Variants in WDR26 observed in about 807,000 individuals in gnomAD.
WDR26 encodes the protein WD repeat domain 26.
WDR26 carries 5 observed loss-of-function variants against 84.1 expected under a neutral mutation model. The observed-to-expected ratio is 0.06, with a 90% CI of 0.03 to 0.13. WDR26 has a LOEUF of 0.13. Among genes scored for constraint, WDR26 ranks in the 10% least tolerant of loss-of-function variants. The pLI, the probability that WDR26 is intolerant of heterozygous loss-of-function variation, is 1.00. For synonymous variants in WDR26, 415 were observed against 389.6 expected (o/e 1.07, Z -0.77); for missense variants, 642 against 974.9 (o/e 0.66, Z 4.55).
At chr1:224,395,664 G>A (rs1385570533) in intron 12 of WDR26, among the ~76,000 whole-genome samples, 1 of 151,542 alleles carries the variant, frequency 6.6e-6, no homozygotes, top group Non-Finnish European at 1.5e-5. Flanking sequence ...AACTGAAGAG[G>A]TCCACAAGGA....
chr1:224,407,151 A>AAAAAAAAT, intron 7 of WDR26, among the ~76,000 whole-genome samples: 1 of 11,868 alleles, frequency 8.4e-5, no homozygotes, highest in East Asian at 2.1e-3. Flanking sequence ...AAAAAAAAAA[A>AAAAAAAAT]ATATATATAT....
At chr1:224,398,726 G>A in intron 10 of WDR26, 133 bp from the exon 11 acceptor site, 1 of 1,182,246 alleles carries the variant, frequency 8.5e-7, no homozygotes, top group Non-Finnish European at 1.2e-6. Context: ...TACTTCAATT[G>A]AGAAGAATCT....
rs1348920583 is a variant in WDR26 at position 224,388,930 on chromosome 1, T to G, written c.*905A>C. On this transcript the variant is annotated 3_prime_UTR_variant, in exon 14 of 14. Coordinates refer to ENST00000414423, the MANE Select transcript of WDR26 (RefSeq NM_001379403.1). ...GAATTTCTTCAAGATCGGGTACTGA[T>G]GTTCCTTCAGGAATAAAACAAAAGG... 1.3e-5 allele frequency: 2 copies of G among 152,576 alleles called. No individual in the cohort carries two copies. The highest frequency in any genetic ancestry group is 3.9e-4 in the East Asian group (2 of 5,194). 9.5% of individuals were successfully genotyped at this position (152,576 alleles called of 1,614,324 possible). A position where few individuals can be genotyped will look rare whatever the true frequency, so the allele number is the denominator to read the frequency against.
chr1:224,404,623 T>A, intron 7 of WDR26, 53 bp from the exon 8 acceptor site: 1 of 1,554,664 alleles, frequency 6.4e-7, no homozygotes, highest in Non-Finnish European at 8.7e-7. Flanking sequence ...AGTCATTGTT[T>A]CCCAATGTAA....
intron 6 of WDR26, among the ~76,000 whole-genome samples, chr1:224,416,360 T>C (rs1673904038): frequency 1.3e-5 from 2 of 152,118 alleles, no homozygotes. Flanking sequence ...CCCGAGTAGC[T>C]GGGACTACAG....
chr1:224,407,135 A>T (rs1380943492), intron 7 of WDR26, among the ~76,000 whole-genome samples: 10 of 24,010 alleles, frequency 4.2e-4, no homozygotes, highest in East Asian at 1.8e-3. Context: ...AAAAAAAAAA[A>T]AAAAAAAAAA....
At chr1:224,399,402 A>G (rs376999840) in intron 9 of WDR26, among the ~76,000 whole-genome samples, 2 of 152,212 alleles carry the variant, frequency 1.3e-5, no homozygotes, top group African/African-American at 4.8e-5. Flanking sequence ...ATTTGTCCTA[A>G]TATTTAGGAG....
chr1:224,393,923 T>A lies in WDR26; in HGVS notation c.2165A>T (p.Asn722Ile), dbSNP rs1299260938. ...GGCCATCATGGATGGAATCTGTGGG[T>A]TCCAGCTCACACAGTTTACTGTACG... is the stretch of plus-strand genomic sequence containing the variant. The change falls in exon 13 of 14, where the codon AAC becomes ATC. Residue 722 changes from asparagine to isoleucine, a missense_variant. Physicochemically the swap from Asn to Ile is moderately radical, Grantham distance 149. Transcript: ENST00000414423. The A allele has an allele frequency of 6.3e-7, 1 of 1,592,872 alleles. No individual in the cohort carries two copies. Among genetic ancestry groups the A allele is most frequent in the Non-Finnish European group, 8.6e-7 (1 of 1,163,380 alleles).
Position 224,404,455 on chromosome 1 carries a change from G to C in WDR26, c.1574C>G (p.Ser525Cys), listed in dbSNP as rs764462736. The C allele has an allele frequency of 1.6e-5, 26 of 1,613,938 alleles. No individual in the cohort carries two copies. The highest frequency in any genetic ancestry group is 2.1e-5 in the Non-Finnish European group (25 of 1,179,988). Residue 525 changes from serine (S) to cysteine (C), a missense_variant, in exon 8 of 14, where the codon TCT (serine) becomes TGT (cysteine). Transcript: ENST00000414423. The stretch of plus-strand genomic sequence containing the variant: ...TTGTACATTCCAAAGCCAAAGCTCA[G>C]AGCAGTCATCTGGGCCACAAGCAAC...
chr1:224,397,670 A>C (rs1218359109), intron 12 of WDR26: 1 of 155,386 alleles, frequency 6.4e-6, no homozygotes, highest in African/African-American at 2.4e-5. Flanking sequence ...AAATCTGTCC[A>C]AGTTCAGGTA....
intron 7 of WDR26, among the ~76,000 whole-genome samples, chr1:224,408,633 C>CTTTTTTTTTTTTTTTTTT (rs67639407): frequency 1.7e-5 from 2 of 115,858 alleles, no homozygotes; most frequent in Non-Finnish European, 3.6e-5. Flanking sequence ...TCATCCCATT[C>CTTTTTTTTTTTTTTTTTT]TTTTTTTTTT....
chr1:224,413,283 T>C lies in WDR26; in HGVS notation c.1320-1718A>G, dbSNP rs759474240. On this transcript the variant is annotated intron_variant, in intron 6 of 13. Coordinates refer to ENST00000414423, the MANE Select transcript of WDR26 (RefSeq NM_001379403.1). ...AGTGTATCTTGAAACACGGTCTTCC[T>C]TGCTTCTTTTCCCAATCAATAATTT... 5.2e-5 allele frequency: 64 copies of C among 1,239,830 alleles called. No homozygotes were observed. The South Asian group carries it at 8.5e-4, about 16-fold the overall frequency. 76.8% of individuals were successfully genotyped at this position (1,239,830 alleles called of 1,614,324 possible).
chr1:224,424,703 T>C (rs1235045708), intron 3 of WDR26, 49 bp from the exon 4 acceptor site: 1 of 1,613,112 alleles, frequency 6.2e-7, no homozygotes, highest in Non-Finnish European at 8.5e-7. Context: ...GATGGAAGTT[T>C]CAGAAAATGT....
intron 7 of WDR26, among the ~76,000 whole-genome samples, chr1:224,407,139 A>C (rs1296546435): frequency 5.2e-5 from 2 of 38,412 alleles, no homozygotes; most frequent in African/African-American, 1.2e-4. Context: ...AAAAAAAAAA[A>C]AAAAAAAAAA....
At chr1:224,419,808 T>C (rs890851542) in intron 4 of WDR26, among the ~76,000 whole-genome samples, 193 bp from the exon 5 acceptor site, 1 of 152,172 alleles carries the variant, frequency 6.6e-6, no homozygotes. Flanking sequence ...AATACCTATA[T>C]ATATATTACC....
intron 7 of WDR26, among the ~76,000 whole-genome samples, chr1:224,406,435 T>C (rs1033320989): frequency 5.3e-5 from 8 of 152,142 alleles, no homozygotes; most frequent in African/African-American, 1.9e-4. Flanking sequence ...CCACCAGCAG[T>C]TGAAAAAAGT....
intron 1 of WDR26, among the ~76,000 whole-genome samples, chr1:224,432,124 C>A (rs1474781356): frequency 6.6e-6 from 1 of 152,174 alleles, no homozygotes; most frequent in Non-Finnish European, 1.5e-5. Flanking sequence ...TACTACGTTA[C>A]ATTTTGAAAG....
chr1:224,434,212 G>GAGA lies in WDR26; in HGVS notation c.193_194insTCT (p.Ser64_Ser65insPhe), dbSNP rs1572228246. 1 of 1,397,900 alleles carries GAGA rather than the reference G, an allele frequency of 7.2e-7. No individual in the cohort carries two copies. Among genetic ancestry groups the GAGA allele is most frequent in the East Asian group, 2.6e-5 (1 of 38,188 alleles). The allele number at this position is 1,397,900 out of a possible 1,614,324, so 86.6% of individuals were successfully genotyped here. On this transcript the variant is annotated inframe_insertion, in exon 1 of 14. Coordinates refer to ENST00000414423, the MANE Select transcript of WDR26 (RefSeq NM_001379403.1). ...TCCCACCACTACCACCACGGAGGAGGAGGAGGAGGAGGAGGACGAGGACGA... is the reference window on the plus strand; with the variant it reads ...TCCCACCACTACCACCACGGAGGAGGAGAAGGAGGAGGAGGAGGACGAGGACGA...
chr1:224,404,192 T>C (rs1273153831), intron 8 of WDR26, among the ~76,000 whole-genome samples: 1 of 152,196 alleles, frequency 6.6e-6, no homozygotes, highest in African/African-American at 2.4e-5. Flanking sequence ...ATAAATTCCA[T>C]AGGACAAAGC....
Sources: gnomAD v4.1 joint callset for allele counts (sites outside exome capture counted in the v4.1 genomes callset) on GRCh38, gnomAD v4.1.1 for gene constraint, MANE v1.5 for transcripts, NCBI Gene and HGNC (gene_info 2026-07-23, HGNC 2026-07-21) for gene names.